CLOCK: variants seen among roughly 807,000 people sequenced by gnomAD.
CLOCK encodes circadian locomoter output cycles protein kaput.
Under a neutral mutation model 118.4 loss-of-function variants are expected in CLOCK, and 43 were observed. The observed-to-expected ratio is 0.36, with a 90% CI of 0.28 to 0.47. CLOCK has a LOEUF of 0.47. CLOCK is among the 20% of genes least tolerant of loss of function. CLOCK has a pLI of 1.00. For missense variants in CLOCK, 846 were observed against 999.9 expected (o/e 0.85, Z 2.08); for synonymous variants, 326 against 339.2 (o/e 0.96, Z 0.43).
At chr4:55,501,217 G>C (rs1728411561) in intron 2 of CLOCK, among the ~76,000 whole-genome samples, 1 of 152,226 alleles carries the variant, frequency 6.6e-6, no homozygotes, top group South Asian at 2.1e-4. Flanking sequence ...CTATTTGGTA[G>C]TCCTGGAATA....
chr4:55,433,837 A>G lies in CLOCK; in HGVS notation c.*1578T>C, dbSNP rs1472800295. On this transcript the variant is annotated 3_prime_UTR_variant, in exon 23 of 23. Transcript: ENST00000513440. ...CACGTTTAGAAGGCATGTGAGTTAC[A>G]ATATTCTAATGTTGTAGTGAAGGCA... 6.6e-6 allele frequency: 1 copy of G among 152,188 alleles called. No homozygotes were observed. Among genetic ancestry groups the G allele is most frequent in the East Asian group, 1.9e-4 (1 of 5,204 alleles). 9.4% of individuals were successfully genotyped at this position (152,188 alleles called of 1,614,324 possible).
intron 1 of CLOCK, among the ~76,000 whole-genome samples, chr4:55,539,946 A>G (rs1731153717): frequency 6.6e-6 from 1 of 152,090 alleles, no homozygotes; most frequent in African/African-American, 2.4e-5. Context: ...TGCAGGAAGC[A>G]GATAGATAAT....
At chr4:55,508,487 C>T (rs1363137046) in intron 2 of CLOCK, among the ~76,000 whole-genome samples, 7 of 152,104 alleles carry the variant, frequency 4.6e-5, no homozygotes, top group Admixed American at 3.9e-4. Flanking sequence ...TCTCTAATTT[C>T]CCCCCAATTC....
intron 1 of CLOCK, among the ~76,000 whole-genome samples, chr4:55,529,543 C>A (rs1730408045): frequency 6.6e-6 from 1 of 151,948 alleles, no homozygotes; most frequent in African/African-American, 2.4e-5. Flanking sequence ...CAAAATAGAA[C>A]AAAGTATTCT....
chr4:55,431,971 G>A lies in CLOCK; in HGVS notation c.*3444C>T, dbSNP rs1260733966. On this transcript the variant is annotated 3_prime_UTR_variant, in exon 23 of 23. Transcript: ENST00000513440. ...GTCAAGCAGACTGCTTTAAGGCAAT[G>A]ACCAACAACTACAGCACTTCTGAAG... 1 of 152,200 alleles carries A rather than the reference G, an allele frequency of 6.6e-6. No individual in the cohort carries two copies. The highest frequency in any genetic ancestry group is 1.5e-5 in the Non-Finnish European group (1 of 68,038). 9.4% of individuals were successfully genotyped at this position (152,200 alleles called of 1,614,324 possible).
At chr4:55,482,670 A>G in intron 4 of CLOCK, 69 bp downstream of exon 4, 1 of 1,035,176 alleles carries the variant, frequency 9.7e-7, no homozygotes, top group Non-Finnish European at 1.4e-6. Flanking sequence ...AATTTCATAT[A>G]GACCATTATT....
intron 3 of CLOCK, among the ~76,000 whole-genome samples, chr4:55,484,452 G>C (rs1727152165): frequency 6.6e-6 from 1 of 152,188 alleles, no homozygotes; most frequent in Non-Finnish European, 1.5e-5. Context: ...GATTTTAAGT[G>C]TCTGAGGTAG....
intron 8 of CLOCK, 62 bp downstream of exon 8, chr4:55,470,655 G>A: frequency 8.5e-7 from 1 of 1,175,356 alleles, no homozygotes; most frequent in Non-Finnish European, 1.3e-6. Context: ...ACTTCCCAGT[G>A]CTTTAGAATA....
chr4:55,529,533 C>G (rs1226016105), intron 1 of CLOCK, among the ~76,000 whole-genome samples: 1 of 152,038 alleles, frequency 6.6e-6, no homozygotes, highest in Non-Finnish European at 1.5e-5. Flanking sequence ...GAAGAAATCT[C>G]AAAATAGAAC....
chr4:55,505,411 C>G (rs139717425), intron 2 of CLOCK, among the ~76,000 whole-genome samples: 2 of 152,042 alleles, frequency 1.3e-5, no homozygotes, highest in Non-Finnish European at 2.9e-5. Flanking sequence ...CACCTGTAAT[C>G]CCAGCGCTTT....
intron 1 of CLOCK, among the ~76,000 whole-genome samples, chr4:55,534,843 G>T (rs1463274140): frequency 6.6e-6 from 1 of 151,984 alleles, no homozygotes; most frequent in Non-Finnish European, 1.5e-5. Flanking sequence ...AGGACTCAAT[G>T]TTGCTATCAG....
At chr4:55,533,150 G>GGGACCCC (rs1730666225) in intron 1 of CLOCK, among the ~76,000 whole-genome samples, 1 of 151,980 alleles carries the variant, frequency 6.6e-6, no homozygotes, top group African/African-American at 2.4e-5. Context: ...AGAATCTCAA[G>GGGACCCC]GGACCCCCAA....
At chr4:55,496,237 T>C (rs28415334) in intron 2 of CLOCK, among the ~76,000 whole-genome samples, 2,291 of 151,008 alleles carry the variant, frequency 0.015, 63 homozygotes, top group African/African-American at 0.053. Flanking sequence ...ACTGACAATA[T>C]AGCTCTAACT....
At chr4:55,531,351 G>A (rs546065536) in intron 1 of CLOCK, among the ~76,000 whole-genome samples, 2 of 151,926 alleles carry the variant, frequency 1.3e-5, no homozygotes, top group South Asian at 4.1e-4. Context: ...AATAAAAGCA[G>A]ATCTCAACAA....
At chr4:55,440,752 T>C (rs1381991133) in intron 21 of CLOCK, among the ~76,000 whole-genome samples, 1 of 152,154 alleles carries the variant, frequency 6.6e-6, no homozygotes, top group Non-Finnish European at 1.5e-5. Flanking sequence ...GATAAGAATA[T>C]TTTCTTTAAT....
chr4:55,507,542 G>A (rs1577821041), intron 2 of CLOCK, among the ~76,000 whole-genome samples: 1 of 152,266 alleles, frequency 6.6e-6, no homozygotes, highest in Non-Finnish European at 1.5e-5. Flanking sequence ...GAACCCAGGA[G>A]GTGGAGGTTG....
intron 8 of CLOCK, among the ~76,000 whole-genome samples, chr4:55,469,201 C>G (rs1053647378): frequency 6.6e-6 from 1 of 151,844 alleles, no homozygotes; most frequent in African/African-American, 2.4e-5. Context: ...TCTCGGCTCA[C>G]CGCAACCTCT....
intron 18 of CLOCK, among the ~76,000 whole-genome samples, chr4:55,447,792 C>A (rs1359415153): frequency 6.6e-6 from 1 of 152,028 alleles, no homozygotes; most frequent in Non-Finnish European, 1.5e-5. Flanking sequence ...TTGTTTTCAC[C>A]TATTATTAAT....
intron 7 of CLOCK, among the ~76,000 whole-genome samples, chr4:55,474,848 T>C (rs1726391557): frequency 6.6e-6 from 1 of 152,230 alleles, no homozygotes; most frequent in African/African-American, 2.4e-5. Flanking sequence ...AAAATACTAT[T>C]GCTCGCTGAC....
Sources: gnomAD v4.1 joint callset for allele counts (sites outside exome capture counted in the v4.1 genomes callset) on GRCh38, gnomAD v4.1.1 for gene constraint, MANE v1.5 for transcripts, NCBI Gene and HGNC (gene_info 2026-07-23, HGNC 2026-07-21) for gene names.